The following SLIT3 variants were observed in gnomAD, a reference collection of about 807,000 sequenced individuals.
The protein encoded by SLIT3 is slit homolog 3 protein.
SLIT3 carries 68 observed loss-of-function variants against 184.0 expected under a neutral mutation model. The observed-to-expected ratio is 0.37, with a 90% CI of 0.30 to 0.45. The LOEUF is 0.45. SLIT3 is among the 20% of genes least tolerant of loss of function. The probability of loss-of-function intolerance (pLI) is 1.00; values close to 1 mark genes in which losing one functional copy is unlikely to be tolerated. For missense variants in SLIT3, 1,707 were observed against 2,026.0 expected (o/e 0.84, Z 3.02); for synonymous variants, 831 against 828.6 (o/e 1.00, Z -0.05).
chr5:168,807,777 G>A (rs374985022), intron 8 of SLIT3, among the ~76,000 whole-genome samples: 9 of 152,278 alleles, frequency 5.9e-5, no homozygotes, highest in African/African-American at 2.2e-4. Flanking sequence ...CCTGTTCACT[G>A]GAGAAACTGA....
chr5:168,843,086 T>C lies in SLIT3; in HGVS notation c.557+1498A>G, dbSNP rs76721018. On this transcript the variant is annotated intron_variant, in intron 6 of 35. Transcript: ENST00000519560. The stretch of plus-strand genomic sequence containing the variant: ...AGTTTGAGTGAGGAGAGACAATCTA[T>C]CTCAGAAATGACAATCTGACCTCCC... Among the ~76,000 whole-genome samples, 52 of 152,260 alleles carry C rather than the reference T, an allele frequency of 3.4e-4. 1 individual carries two copies. The highest frequency in any genetic ancestry group is 1.2e-3 in the African/African-American group (51 of 41,558).
intron 4 of SLIT3, among the ~76,000 whole-genome samples, chr5:169,030,229 A>G (rs13355463): frequency 0.1 from 15,455 of 152,264 alleles, 1,367 homozygotes; most frequent in African/African-American, 0.24. Flanking sequence ...AAACACACAA[A>G]TGCTTGGATA....
At chr5:169,085,494 A>T (rs1311690390) in intron 4 of SLIT3, among the ~76,000 whole-genome samples, 1 of 152,238 alleles carries the variant, frequency 6.6e-6, no homozygotes. Flanking sequence ...TGCTCTACTC[A>T]GAGATAAACT....
intron 4 of SLIT3, among the ~76,000 whole-genome samples, chr5:169,038,169 T>C (rs1400764557): frequency 6.6e-6 from 1 of 152,242 alleles, no homozygotes; most frequent in Non-Finnish European, 1.5e-5. Context: ...GTCTAAATGC[T>C]TAATGTAAAT....
At chr5:169,165,559 G>A (rs184875035) in intron 4 of SLIT3, among the ~76,000 whole-genome samples, 30 of 152,202 alleles carry the variant, frequency 2.0e-4, no homozygotes, top group Admixed American at 3.3e-4. Flanking sequence ...TTTTTTCACG[G>A]ATTCATTCAT....
intron 33 of SLIT3, among the ~76,000 whole-genome samples, chr5:168,672,299 A>C (rs1582512570): frequency 1.3e-5 from 2 of 151,966 alleles, no homozygotes; most frequent in South Asian, 2.1e-4. Flanking sequence ...CCCATTAACA[A>C]CACCCTCTTC....
intron 7 of SLIT3, among the ~76,000 whole-genome samples, chr5:168,819,472 C>A (rs1451356847): frequency 6.6e-6 from 1 of 152,188 alleles, no homozygotes; most frequent in African/African-American, 2.4e-5. Flanking sequence ...GAAGCAGAAC[C>A]TTTTAATGAG....
intron 4 of SLIT3, among the ~76,000 whole-genome samples, chr5:168,889,458 C>T (rs1241854026): frequency 6.6e-6 from 1 of 152,130 alleles, no homozygotes; most frequent in East Asian, 1.9e-4. Context: ...AAAAAAACGC[C>T]AATTATTTCC....
intron 4 of SLIT3, among the ~76,000 whole-genome samples, chr5:169,139,312 A>G (rs1471906983): frequency 3.3e-5 from 5 of 152,244 alleles, no homozygotes; most frequent in African/African-American, 9.6e-5. Context: ...CTATTTATTG[A>G]ATGAGAAGAA....
chr5:169,229,642 T>TTCTCTCTCTCTCTCTC (rs60056409), intron 3 of SLIT3, among the ~76,000 whole-genome samples: 122 of 148,322 alleles, frequency 8.2e-4, no homozygotes, highest in Non-Finnish European at 1.3e-3. Context: ...AAATAAATTC[T>TTCTCTCTCTCTCTCTC]TCTCTCTCTC....
chr5:168,997,832 G>A (rs1755566880), intron 4 of SLIT3, among the ~76,000 whole-genome samples: 2 of 152,150 alleles, frequency 1.3e-5, no homozygotes, highest in Admixed American at 1.3e-4. Flanking sequence ...TGGTATTTCT[G>A]GCACACCTGA....
At chr5:168,774,907 T>G (rs886426165) in intron 12 of SLIT3, among the ~76,000 whole-genome samples, 9 of 152,166 alleles carry the variant, frequency 5.9e-5, no homozygotes, top group African/African-American at 2.2e-4. Context: ...TACATATGGA[T>G]TCTCTGTCAT....
At chr5:168,703,815 G>C (rs977351833) in intron 26 of SLIT3, among the ~76,000 whole-genome samples, 2 of 151,912 alleles carry the variant, frequency 1.3e-5, no homozygotes, top group African/African-American at 4.8e-5. Flanking sequence ...AGCTGGGCGT[G>C]GTGGTGGGCA....
intron 4 of SLIT3, among the ~76,000 whole-genome samples, chr5:169,099,798 C>T (rs141441498): frequency 2.2e-4 from 33 of 152,282 alleles, no homozygotes; most frequent in African/African-American, 7.0e-4. Flanking sequence ...TGCTACCAGA[C>T]GGGCATCTAA....
At chr5:169,147,437 T>C (rs1761962556) in intron 4 of SLIT3, among the ~76,000 whole-genome samples, 1 of 152,080 alleles carries the variant, frequency 6.6e-6, no homozygotes, top group South Asian at 2.1e-4. Context: ...CTTGGCTAAT[T>C]TTTACTACAG....
chr5:168,921,900 GA>G (rs150030126), intron 4 of SLIT3, among the ~76,000 whole-genome samples: 20,285 of 146,232 alleles, frequency 0.14, 1,439 homozygotes, highest in Non-Finnish European at 0.17. Context: ...ATTTAATTAT[GA>G]GCTCATTTAA....
chr5:169,296,560 C>A (rs974246236), intron 1 of SLIT3, among the ~76,000 whole-genome samples: 5 of 152,146 alleles, frequency 3.3e-5, no homozygotes, highest in Non-Finnish European at 7.4e-5. Context: ...TTGTTCCTGT[C>A]CTCTAAGCTG....
intron 35 of SLIT3, 33 bp from the exon 36 acceptor site, chr5:168,666,722 G>A: frequency 6.2e-7 from 1 of 1,613,740 alleles, no homozygotes; most frequent in Non-Finnish European, 8.5e-7. Flanking sequence ...GGCATTGGTG[G>A]TCTAGGTGGC....
chr5:168,835,668 A>G (rs940208068), intron 6 of SLIT3, among the ~76,000 whole-genome samples: 29 of 152,072 alleles, frequency 1.9e-4, no homozygotes, highest in African/African-American at 6.0e-4. Flanking sequence ...AAAATTAGCC[A>G]GACGTGGTGG....
Sources: gnomAD v4.1 joint callset for allele counts (sites outside exome capture counted in the v4.1 genomes callset) on GRCh38, gnomAD v4.1.1 for gene constraint, MANE v1.5 for transcripts, NCBI Gene and HGNC (gene_info 2026-07-23, HGNC 2026-07-21) for gene names.